The following ARNT2 variants were observed in gnomAD, a reference collection of about 807,000 sequenced individuals.
The protein encoded by ARNT2 is ARNT protein 2.
Under a neutral mutation model 91.7 loss-of-function variants are expected in ARNT2, and 36 were observed. The observed-to-expected ratio is 0.39, with a 90% CI of 0.30 to 0.52. ARNT2 has a LOEUF of 0.52. Ranked by LOEUF, ARNT2 falls within the 20% of genes least tolerant of loss-of-function variation. The pLI is 0.72. For synonymous variants in ARNT2, 365 were observed against 347.1 expected, an observed-to-expected ratio of 1.05 and a Z score of -0.57; for missense variants, 775 against 939.3, an observed-to-expected ratio of 0.83 and a Z score of 2.29.
intron 8 of ARNT2, among the ~76,000 whole-genome samples, chr15:80,519,337 G>A (rs964165539): frequency 1.3e-5 from 2 of 152,196 alleles, no homozygotes; most frequent in East Asian, 1.9e-4. Context: ...TTTAAAAGGT[G>A]CAGGTAGATA....
intron 12 of ARNT2, among the ~76,000 whole-genome samples, chr15:80,573,764 G>C (rs553891943): frequency 2.4e-4 from 37 of 152,312 alleles, no homozygotes; most frequent in Non-Finnish European, 1.0e-4. Context: ...ATAGTGTGAG[G>C]ATTGGATGAG....
chr15:80,520,342 A>G (rs898762105), intron 8 of ARNT2, among the ~76,000 whole-genome samples: 4 of 152,282 alleles, frequency 2.6e-5, no homozygotes, highest in South Asian at 4.2e-4. Flanking sequence ...AAGCCCTCCA[A>G]TTACACTGGA....
At chr15:80,408,300 T>C (rs935523345) in intron 1 of ARNT2, among the ~76,000 whole-genome samples, 2 of 152,180 alleles carry the variant, frequency 1.3e-5, no homozygotes, top group African/African-American at 4.8e-5. Context: ...CTAAGTCTAC[T>C]AGGGGAGGCA....
rs1347714241 is a variant in ARNT2 at position 80,514,515 on chromosome 15, T to C, written c.877+110T>C. On this transcript the variant is annotated intron_variant, in intron 8 of 18. Transcript: ENST00000303329. ...AGGAATAGGTAGGAAAATATTCTTATTTTTCTTTGTGGTTAGAACACAATG... is the reference window on the plus strand; with the variant it reads ...AGGAATAGGTAGGAAAATATTCTTACTTTTCTTTGTGGTTAGAACACAATG... The C allele has an allele frequency of 1.8e-5, 17 of 936,380 alleles. No individual in the cohort carries two copies. The East Asian group carries it at 2.4e-4, about 13-fold the overall frequency. 58.0% of individuals were successfully genotyped at this position (936,380 alleles called of 1,614,324 possible). A position where few individuals can be genotyped will look rare whatever the true frequency, so the allele number is the denominator to read the frequency against.
chr15:80,528,534 A>G (rs1441544227), intron 8 of ARNT2, among the ~76,000 whole-genome samples: 3 of 152,028 alleles, frequency 2.0e-5, no homozygotes, highest in Admixed American at 1.3e-4. Flanking sequence ...CCACAACCTC[A>G]TGTTGAAATT....
At chr15:80,441,381 A>G (rs1265408075) in intron 1 of ARNT2, 1 of 985,092 alleles carries the variant, frequency 1.0e-6, no homozygotes, top group Admixed American at 6.2e-5. Flanking sequence ...CTGAAAAGGT[A>G]GGGCTGTGAT....
chr15:80,468,613 A>G (rs949372228), intron 3 of ARNT2, among the ~76,000 whole-genome samples: 43 of 151,522 alleles, frequency 2.8e-4, no homozygotes, highest in Admixed American at 2.4e-3. Flanking sequence ...CCCTTCTAGC[A>G]CCCTCAGCCC....
At chr15:80,469,428 G>T (rs1402489391) in intron 3 of ARNT2, among the ~76,000 whole-genome samples, 1 of 151,468 alleles carries the variant, frequency 6.6e-6, no homozygotes, top group Non-Finnish European at 1.5e-5. Context: ...TAGCATTATT[G>T]GTCTACTTAG....
intron 1 of ARNT2, among the ~76,000 whole-genome samples, chr15:80,418,573 A>G (rs1185185991): frequency 2.0e-5 from 3 of 152,178 alleles, no homozygotes; most frequent in Non-Finnish European, 2.9e-5. Flanking sequence ...CCCACTGTCC[A>G]AGGACTGTTC....
At chr15:80,554,304 G>T (rs992818419) in intron 10 of ARNT2, among the ~76,000 whole-genome samples, 2 of 152,172 alleles carry the variant, frequency 1.3e-5, no homozygotes, top group African/African-American at 4.8e-5. Context: ...AGCTACTCGG[G>T]AGGCTGAGGC....
In ARNT2 at chr15:80,591,018, C is replaced by T. The variant is rs191280373; in HGVS notation, c.1919-550C>T. On this transcript the variant is annotated intron_variant, in intron 17 of 18. Transcript: ENST00000303329. The surrounding 1 kb of genome is among the most constrained non-coding windows in gnomAD (Gnocchi z 5.1). ...CCTTGTATAATGCGTGTGTGGCTTC[C>T]GAGGAGTTGCTCGGGGGCAGAGGCT... 6.6e-6 allele frequency among the ~76,000 whole-genome samples: 1 copy of T among 152,264 alleles called. No homozygotes were observed. The highest frequency in any genetic ancestry group is 1.5e-5 in the Non-Finnish European group (1 of 68,006).
At chr15:80,555,197 G>C (rs1898157835) in intron 11 of ARNT2, 58 bp downstream of exon 11, 1 of 1,573,208 alleles carries the variant, frequency 6.4e-7, no homozygotes, top group Non-Finnish European at 8.7e-7. Flanking sequence ...CTGTGGATGT[G>C]GCTGGCAGGA....
rs777499181 is a variant in ARNT2, at chr15:80,574,995, C to G, written c.1398C>G (p.Val466=). 49 of 1,613,948 alleles carry G rather than the reference C, an allele frequency of 3.0e-5. No homozygotes were observed. The highest frequency in any genetic ancestry group is 4.2e-5 in the Non-Finnish European group (49 of 1,179,960). The part of the protein sequence containing the change: ...LSSYDLSQVP[V]PNLPAGVHEA... ...ATTTAATGTGCAAATAGGTCCCCGT[C>G]CCCAACCTACCAGCCGGTGTTCATG... Residue 466 remains valine, a synonymous_variant, in exon 14 of 19, where the codon GTC becomes GTG. Coordinates refer to ENST00000303329, the MANE Select transcript of ARNT2 (RefSeq NM_014862.4).
At chr15:80,489,005 T>A (rs977214357) in intron 5 of ARNT2, among the ~76,000 whole-genome samples, 1 of 152,214 alleles carries the variant, frequency 6.6e-6, no homozygotes, top group East Asian at 1.9e-4. Context: ...AGTAGTATTT[T>A]TTTAGGCAGA....
chr15:80,468,240 G>A (rs1896685424), intron 3 of ARNT2, among the ~76,000 whole-genome samples: 1 of 152,008 alleles, frequency 6.6e-6, no homozygotes, highest in African/African-American at 2.4e-5. Flanking sequence ...CCAGGCCTCA[G>A]GAATCTCCCT....
intron 5 of ARNT2, among the ~76,000 whole-genome samples, chr15:80,492,013 G>A (rs1241390730): frequency 6.6e-6 from 1 of 151,904 alleles, no homozygotes; most frequent in Non-Finnish European, 1.5e-5. Context: ...GTGCTATTCT[G>A]TTTATGCAGA....
chr15:80,501,837 G>C (rs140354827), intron 5 of ARNT2, among the ~76,000 whole-genome samples: 2 of 152,340 alleles, frequency 1.3e-5, no homozygotes, highest in Non-Finnish European at 2.9e-5. Context: ...GAAATGAAGT[G>C]ACCTGAACAA....
At chr15:80,445,430 GGTGT>G (rs2141582006) in intron 1 of ARNT2, among the ~76,000 whole-genome samples, 1 of 150,268 alleles carries the variant, frequency 6.7e-6, no homozygotes, top group South Asian at 2.1e-4. Flanking sequence ...GGATGTGTGT[GGTGT>G]GTGTGAGTGT....
intron 5 of ARNT2, among the ~76,000 whole-genome samples, chr15:80,476,279 C>G (rs1366029274): frequency 1.3e-5 from 2 of 152,088 alleles, no homozygotes; most frequent in Non-Finnish European, 2.9e-5. Context: ...CACCGTGGGC[C>G]GAGAGAGCTG....
Sources: allele counts gnomAD v4.1 joint callset (sites outside exome capture counted in the v4.1 genomes callset), GRCh38; gene constraint gnomAD v4.1.1; non-coding constraint Gnocchi (gnomAD v3.1); transcripts MANE v1.5; gene names NCBI Gene and HGNC (gene_info 2026-07-23, HGNC 2026-07-21).